Variants in OR8B8 observed in about 807,000 individuals in gnomAD.
The protein encoded by OR8B8 is olfactory receptor family 8 subfamily B member 8.
A neutral mutation model predicts 10.5 loss-of-function variants in OR8B8; 8 were observed. That is an observed-to-expected ratio of 0.76 (90% CI 0.45 to 1.38). OR8B8 has a LOEUF of 1.38. OR8B8 is among the 40% of genes most tolerant of loss of function. The pLI is 0.00. For synonymous variants in OR8B8, 150 were observed against 145.2 expected (o/e 1.03, Z -0.24); for missense variants, 390 against 380.5 (o/e 1.03, Z -0.21).
At chr11:124,441,463 A>C (rs1278994116) in intron 2 of OR8B8, 25 bp downstream of exon 2, 1 of 198,154 alleles carries the variant, frequency 5.0e-6, no homozygotes, top group Non-Finnish European at 1.0e-5. Flanking sequence ...AGAAGGGTAG[A>C]GTGGACTTCC....
chr11:124,440,080 C>G lies in OR8B8; in HGVS notation c.*70G>C. ...TGTTTGAGGAAAAATTATATTTCTTCCATGTAACCAGTGGAGTCCAAATCA... is the reference window on the plus strand; with the variant it reads ...TGTTTGAGGAAAAATTATATTTCTTGCATGTAACCAGTGGAGTCCAAATCA... On this transcript the variant is annotated 3_prime_UTR_variant, in exon 3 of 3. Transcript: ENST00000642064. 8.1e-7 allele frequency: 1 copy of G among 1,231,582 alleles called. No individual in the cohort carries two copies. Among genetic ancestry groups the G allele is most frequent in the Non-Finnish European group, 1.1e-6 (1 of 875,872 alleles). 76.3% of individuals were successfully genotyped at this position (1,231,582 alleles called of 1,614,324 possible).
Position 124,438,068 on chromosome 11 carries a change from G to A in OR8B8, c.*2082C>T, listed in dbSNP as rs552129909. The A allele has an allele frequency of 8.5e-5, 13 of 152,222 alleles. No individual in the cohort carries two copies. Among genetic ancestry groups the A allele is most frequent in the Non-Finnish European group, 1.8e-4 (12 of 68,002 alleles). The allele number at this position is 152,222 out of a possible 1,614,324, so 9.4% of individuals were successfully genotyped here. On this transcript the variant is annotated 3_prime_UTR_variant, in exon 3 of 3. Coordinates refer to ENST00000642064, the MANE Select transcript of OR8B8 (RefSeq NM_012378.2). The stretch of plus-strand genomic sequence containing the variant: ...TGGCAGGGACAGAAACAAATTTACC[G>A]AGAATCTGGCATCTAATTCACTTAA...
Position 124,440,666 on chromosome 11 carries a change from C to T in OR8B8, c.420G>A (p.Val140=), listed in dbSNP as rs1474849323. The change falls in exon 3 of 3, where the codon GTG becomes GTA. Residue 140 remains valine, a synonymous_variant. Transcript: ENST00000642064. ...LLYMVTMSPQ[V]CFLLLLGVYG... ...AGACACCCAACAAAAGGAGAAAACA[C>T]ACCTGGGGAGACATGGTGACCATGT... 1.2e-6 allele frequency: 2 copies of T among 1,614,174 alleles called. No homozygotes were observed. Among genetic ancestry groups the T allele is most frequent in the South Asian group, 2.2e-5 (2 of 91,084 alleles).
chr11:124,440,471 A>T lies in OR8B8; in HGVS notation c.615T>A (p.Ile205=), dbSNP rs755456311. ...NELVVFVVVG[I]DIGVPTVTIF... is the part of the protein sequence containing the mutation. ...TGGTGACTGTGGGCACACCAATATC[A>T]ATGCCCACAACAACAAACACTACAA... The change falls in exon 3 of 3, where the codon ATT becomes ATA. Residue 205 remains isoleucine, a synonymous_variant. Coordinates refer to ENST00000642064, the MANE Select transcript of OR8B8 (RefSeq NM_012378.2). The T allele has an allele frequency of 2.5e-6, 4 of 1,614,198 alleles. No individual in the cohort carries two copies. Among genetic ancestry groups the T allele is most frequent in the Non-Finnish European group, 3.4e-6 (4 of 1,180,004 alleles).
chr11:124,440,369 G>A lies in OR8B8; in HGVS notation c.717C>T (p.Ser239=). 1 of 1,614,216 alleles carries A rather than the reference G, an allele frequency of 6.2e-7. No homozygotes were observed. The highest frequency in any genetic ancestry group is 1.1e-5 in the South Asian group (1 of 91,084). Residue 239 remains serine, a synonymous_variant, in exon 3 of 3, where the codon AGC becomes AGT. Coordinates refer to ENST00000642064, the MANE Select transcript of OR8B8 (RefSeq NM_012378.2). ...DSTEGRSKAF[S]TCSSHIIAVS... is the part of the protein sequence containing the mutation. Reference sequence around the variant, plus strand: ...CTGCAATTATGTGGGAGCTGCAGGTGCTGAAGGCTTTGGACCTGCCCTCCG... The same window carrying A: ...CTGCAATTATGTGGGAGCTGCAGGTACTGAAGGCTTTGGACCTGCCCTCCG...
In OR8B8 at chr11:124,440,506, C is replaced by T; in HGVS notation, c.580G>A (p.Val194Met). ...ACAACAAACACTACAAGCTCATTCA[C>T]ATAGGTGCTGGTGCAAGCACACTCA... ...LLECACTSTY[V>M]NELVVFVVVG... is the part of the protein sequence containing the mutation. Residue 194 changes from valine (V) to methionine (M), a missense_variant, in exon 3 of 3, where the codon GTG becomes ATG. Coordinates refer to ENST00000642064, the MANE Select transcript of OR8B8 (RefSeq NM_012378.2). The T allele has an allele frequency of 6.2e-7, 1 of 1,614,248 alleles. No homozygotes were observed. The highest frequency in any genetic ancestry group is 1.1e-5 in the South Asian group (1 of 91,086).
chr11:124,438,052 C>T lies in OR8B8; in HGVS notation c.*2098G>A, dbSNP rs1396241593. 2 of 152,080 alleles carry T rather than the reference C, an allele frequency of 1.3e-5. No homozygotes were observed. Among genetic ancestry groups the T allele is most frequent in the African/African-American group, 4.8e-5 (2 of 41,398 alleles). 9.4% of individuals were successfully genotyped at this position (152,080 alleles called of 1,614,324 possible). A position where few individuals can be genotyped will look rare whatever the true frequency, so the allele number is the denominator to read the frequency against. The stretch of plus-strand genomic sequence containing the variant: ...TAAAAGGAAAAGGATCTGGCAGGGA[C>T]AGAAACAAATTTACCGAGAATCTGG... On this transcript the variant is annotated 3_prime_UTR_variant, in exon 3 of 3. Transcript: ENST00000642064.
At position 124,440,198 on chromosome 11, in the gene OR8B8, G is replaced by A. The variant is rs374374362; in HGVS notation, c.888C>T (p.Asp296=). Residue 296 remains aspartate (D), a synonymous_variant, in exon 3 of 3, where the codon GAC becomes GAT. Coordinates refer to ENST00000642064, the MANE Select transcript of OR8B8 (RefSeq NM_012378.2). ...AGATTTTCTTTAGAGCAACTTTGAC[G>A]TCCTTATTCCTCAGGCTATAAATTA... The part of the protein sequence containing the change: ...NPLIYSLRNK[D]VKVALKKILN... The A allele has an allele frequency of 4.2e-5, 67 of 1,613,646 alleles. No individual in the cohort carries two copies. The East Asian group carries it at 4.9e-4, about 12-fold the overall frequency.
rs140861308 is a variant in OR8B8, at chr11:124,440,729, C to A, written c.357G>T (p.Ala119=). ...VSESFILSAM[A]YDRYVAICNP... is the part of the protein sequence containing the mutation. ...TACAGATGGCCACATAGCGGTCATA[C>A]GCCATTGCTGACAGGATGAAGGACT... Residue 119 remains alanine, a synonymous_variant, in exon 3 of 3, where the codon GCG becomes GCT. Coordinates refer to ENST00000642064, the MANE Select transcript of OR8B8 (RefSeq NM_012378.2). The A allele has an allele frequency of 1.2e-6, 2 of 1,613,938 alleles. No homozygotes were observed.
chr11:124,440,280 T>C lies in OR8B8; in HGVS notation c.806A>G (p.Asn269Ser). Residue 269 changes from asparagine (N) to serine (S), a missense_variant, in exon 3 of 3, where the codon AAC (asparagine) becomes AGC (serine). Asn to Ser is a conservative substitution (Grantham distance 46, BLOSUM62 1). Coordinates refer to ENST00000642064, the MANE Select transcript of OR8B8 (RefSeq NM_012378.2). Reference sequence around the variant, plus strand: ...GAATAGGGAAGACACCTTGCCCTGGTTCATAGCTAAAAGAGAAAAGGGTTT... The same window carrying C: ...GAATAGGGAAGACACCTTGCCCTGGCTCATAGCTAAAAGAGAAAAGGGTTT... ...YLKPFSLLAM[N>S]QGKVSSLFYT... The C allele has an allele frequency of 1.2e-6, 2 of 1,614,126 alleles. No homozygotes were observed. Among genetic ancestry groups the C allele is most frequent in the Middle Eastern group, 3.3e-4 (2 of 6,062 alleles).
rs1434968487 is a variant in OR8B8, at chr11:124,439,641, G to T, written c.*509C>A. The T allele has an allele frequency of 2.6e-5, 4 of 156,808 alleles. No homozygotes were observed. Among genetic ancestry groups the T allele is most frequent in the African/African-American group, 4.8e-5 (2 of 41,480 alleles). The allele number at this position is 156,808 out of a possible 1,614,324, so 9.7% of individuals were successfully genotyped here. Reference sequence around the variant, plus strand: ...TTCAAAATGCTTCAAGAATTTCCCTGGTCATTTGGCCAAGGCCATCTCAAC... The same window carrying T: ...TTCAAAATGCTTCAAGAATTTCCCTTGTCATTTGGCCAAGGCCATCTCAAC... On this transcript the variant is annotated 3_prime_UTR_variant, in exon 3 of 3. Coordinates refer to ENST00000642064, the MANE Select transcript of OR8B8 (RefSeq NM_012378.2).
Position 124,441,152 on chromosome 11 carries a change from G to A in OR8B8, c.-16-51C>T. On this transcript the variant is annotated intron_variant, in intron 2 of 2. Transcript: ENST00000642064. ...TTAGAGAGAGAGAGAGACCACTGCT[G>A]CCCTCCCAGTCATCCCTCCTTCCTT... is the stretch of plus-strand genomic sequence containing the variant. The A allele has an allele frequency of 6.9e-6, 8 of 1,166,254 alleles. No homozygotes were observed. The South Asian group carries it at 1.1e-4, about 17-fold the overall frequency. The allele number at this position is 1,166,254 out of a possible 1,614,324, so 72.2% of individuals were successfully genotyped here. A position where few individuals can be genotyped will look rare whatever the true frequency, so the allele number is the denominator to read the frequency against.
At position 124,441,033 on chromosome 11, in the gene OR8B8, G is replaced by A; in HGVS notation, c.53C>T (p.Thr18Ile). The A allele has an allele frequency of 6.2e-7, 1 of 1,613,548 alleles. No homozygotes were observed. The highest frequency in any genetic ancestry group is 1.7e-5 in the Admixed American group (1 of 60,022). Residue 18 changes from threonine (T) to isoleucine (I), a missense_variant, in exon 3 of 3, where the codon ACT becomes ATT. Thr to Ile is a moderately conservative substitution (Grantham distance 89, BLOSUM62 -1). Coordinates refer to ENST00000642064, the MANE Select transcript of OR8B8 (RefSeq NM_012378.2). ...GGGGATCTGGACTCCCGGTTGGTCA[G>A]TTAAGCCTGCGAGGATAAACTGTGT... ...FVTQFILAGLTDQPGVQIPLF... is the reference protein window; with the variant it reads ...FVTQFILAGLIDQPGVQIPLF...
intron 1 of OR8B8, among the ~76,000 whole-genome samples, chr11:124,443,341 C>T (rs555460000): frequency 6.6e-6 from 1 of 152,196 alleles, no homozygotes; most frequent in South Asian, 2.1e-4. Flanking sequence ...ACAGGAATTA[C>T]GTATGCAATG....
Position 124,437,530 on chromosome 11 carries a change from C to T in OR8B8, c.*2620G>A, listed in dbSNP as rs912256284. 6.6e-6 allele frequency: 1 copy of T among 152,204 alleles called. No homozygotes were observed. Among genetic ancestry groups the T allele is most frequent in the Non-Finnish European group, 1.5e-5 (1 of 68,100 alleles). 9.4% of individuals were successfully genotyped at this position (152,204 alleles called of 1,614,324 possible). A position where few individuals can be genotyped will look rare whatever the true frequency, so the allele number is the denominator to read the frequency against. On this transcript the variant is annotated 3_prime_UTR_variant, in exon 3 of 3. Transcript: ENST00000642064. ...TCCAAGATTAAGGCAGCAGCAGATTCCGTGTCTGGTGAGAGCCCGCTTTCT... is the reference window on the plus strand; with the variant it reads ...TCCAAGATTAAGGCAGCAGCAGATTTCGTGTCTGGTGAGAGCCCGCTTTCT...
chr11:124,440,469 T>A lies in OR8B8; in HGVS notation c.617A>T (p.Asp206Val). The A allele has an allele frequency of 6.2e-7, 1 of 1,614,122 alleles. No individual in the cohort carries two copies. The highest frequency in any genetic ancestry group is 8.5e-7 in the Non-Finnish European group (1 of 1,180,018). ...ELVVFVVVGI[D>V]IGVPTVTIFI... ...GATGGTGACTGTGGGCACACCAATA[T>A]CAATGCCCACAACAACAAACACTAC... The change falls in exon 3 of 3, where the codon GAT becomes GTT. Residue 206 changes from aspartate (D) to valine (V), a missense_variant. By Grantham distance (152) the Asp-to-Val change is radical (BLOSUM62 -3). Transcript: ENST00000642064.
In OR8B8 at chr11:124,437,673, C is replaced by T. The variant is rs200468218; in HGVS notation, c.*2477G>A. The T allele has an allele frequency of 5.1e-3, 678 of 134,006 alleles. 5 individuals carry two copies. Among genetic ancestry groups the T allele is most frequent in the Non-Finnish European group, 3.7e-3 (248 of 67,522 alleles). 8.3% of individuals were successfully genotyped at this position (134,006 alleles called of 1,614,324 possible). A position where few individuals can be genotyped will look rare whatever the true frequency, so the allele number is the denominator to read the frequency against. On this transcript the variant is annotated 3_prime_UTR_variant, in exon 3 of 3. Coordinates refer to ENST00000642064, the MANE Select transcript of OR8B8 (RefSeq NM_012378.2). ...GTGTGTGTGTGTGTGTGTGTGCGCG[C>T]GCGCGTGCGTGCGTGCTGGGATTAC...
intron 1 of OR8B8, among the ~76,000 whole-genome samples, chr11:124,445,010 T>C (rs770572725): frequency 2.3e-5 from 3 of 132,684 alleles, no homozygotes; most frequent in Non-Finnish European, 4.6e-5. Flanking sequence ...CTACTTCCTG[T>C]CCTACCACCA....
In OR8B8 at chr11:124,440,110, T is replaced by C. The variant is rs752882331; in HGVS notation, c.*40A>G. ...TAACCAGTGGAGTCCAAATCACTTA[T>C]GGGAGAAACAGTGTTTCTTTCCTGA... On this transcript the variant is annotated 3_prime_UTR_variant, in exon 3 of 3. Transcript: ENST00000642064. 1.1e-5 allele frequency: 16 copies of C among 1,501,382 alleles called. No homozygotes were observed. The highest frequency in any genetic ancestry group is 2.4e-5 in the South Asian group (2 of 83,604). The allele number at this position is 1,501,382 out of a possible 1,614,324, so 93.0% of individuals were successfully genotyped here. A position where few individuals can be genotyped will look rare whatever the true frequency, so the allele number is the denominator to read the frequency against.
Sources: gnomAD v4.1 joint callset for allele counts (sites outside exome capture counted in the v4.1 genomes callset) on GRCh38, gnomAD v4.1.1 for gene constraint, MANE v1.5 for transcripts, NCBI Gene and HGNC (gene_info 2026-07-23, HGNC 2026-07-21) for gene names.